The following FRMD4A variants were observed in gnomAD, a reference collection of about 807,000 sequenced individuals.
FRMD4A encodes FERM domain-containing protein 4A.
FRMD4A carries 29 observed loss-of-function variants against 129.1 expected under a neutral mutation model. That is an observed-to-expected ratio of 0.22 (90% CI 0.17 to 0.31). The LOEUF is 0.31. FRMD4A is among the 10% of genes least tolerant of loss of function. The pLI, the probability that FRMD4A is intolerant of heterozygous loss-of-function variation, is 1.00. For synonymous variants in FRMD4A, 634 were observed against 571.6 expected, an observed-to-expected ratio of 1.11 and a Z score of -1.56; for missense variants, 1,272 against 1,375.8, an observed-to-expected ratio of 0.92 and a Z score of 1.19.
chr10:13,974,983 GTGTGTGTGTGTGTCTGTGTGAGTGCA>G (rs1379609089), intron 2 of FRMD4A, among the ~76,000 whole-genome samples: 1 of 64,378 alleles, frequency 1.6e-5, no homozygotes, highest in Non-Finnish European at 3.1e-5. Context: ...CACTATAGGT[GTGTGTGTGTGTGTCTGTGTGAGTGCA>G]TGTGTGTGTC....
intron 2 of FRMD4A, among the ~76,000 whole-genome samples, chr10:14,104,540 C>T (rs1837483633): frequency 6.6e-6 from 1 of 152,248 alleles, no homozygotes; most frequent in Admixed American, 6.5e-5. Context: ...CTATGCCTTC[C>T]TGTCCCTGAG....
intron 12 of FRMD4A, among the ~76,000 whole-genome samples, chr10:13,711,699 G>A (rs960956486): frequency 3.3e-5 from 5 of 152,156 alleles, no homozygotes; most frequent in South Asian, 2.1e-4. Context: ...TCTAGTGCAC[G>A]TCACTTAAGC....
chr10:13,861,561 T>G (rs2094295542), intron 2 of FRMD4A, among the ~76,000 whole-genome samples: 1 of 152,062 alleles, frequency 6.6e-6, no homozygotes, highest in Non-Finnish European at 1.5e-5. Context: ...TCCTAAACAC[T>G]CCAACGAACA....
chr10:13,749,715 G>C (rs763298239), intron 8 of FRMD4A, among the ~76,000 whole-genome samples: 7 of 152,098 alleles, frequency 4.6e-5, no homozygotes, highest in Non-Finnish European at 8.8e-5. Context: ...GAGGCCAGGC[G>C]TGGTGGCTCA....
At chr10:14,175,681 T>C (rs1309208651) in intron 2 of FRMD4A, among the ~76,000 whole-genome samples, 1 of 152,114 alleles carries the variant, frequency 6.6e-6, no homozygotes, top group East Asian at 1.9e-4. Context: ...TGCACCACCA[T>C]GCCCAACTAA....
At chr10:13,803,670 G>A (rs1425730400) in intron 4 of FRMD4A, among the ~76,000 whole-genome samples, 2 of 151,982 alleles carry the variant, frequency 1.3e-5, no homozygotes, top group African/African-American at 2.4e-5. Context: ...TCTACACCAC[G>A]TTTTGTGAAT....
At chr10:14,070,420 C>A (rs1343160289) in intron 2 of FRMD4A, among the ~76,000 whole-genome samples, 1 of 152,204 alleles carries the variant, frequency 6.6e-6, no homozygotes, top group East Asian at 1.9e-4. Context: ...TCCCCAATAT[C>A]TTTTGGCTAT....
chr10:13,737,068 CCTCTCTCTCTT>C (rs554852577), intron 12 of FRMD4A, among the ~76,000 whole-genome samples: 1,869 of 152,140 alleles, frequency 0.012, 67 homozygotes, highest in South Asian at 0.11. Context: ...TCCAGGAAAC[CCTCTCTCTCTT>C]ATTTTTCAGC....
chr10:14,117,310 A>G (rs949881866), intron 2 of FRMD4A, among the ~76,000 whole-genome samples: 3 of 152,220 alleles, frequency 2.0e-5, no homozygotes, highest in African/African-American at 7.2e-5. Context: ...AATGAATGAG[A>G]GAGCCTCCAA....
intron 2 of FRMD4A, among the ~76,000 whole-genome samples, chr10:14,183,516 G>C (rs1484874170): frequency 6.7e-6 from 1 of 150,038 alleles, no homozygotes; most frequent in Non-Finnish European, 1.5e-5. Context: ...ATAGCTCTAA[G>C]GAGTTGTTTC....
At chr10:14,321,111 A>G (rs1843030587) in intron 2 of FRMD4A, among the ~76,000 whole-genome samples, 1 of 152,162 alleles carries the variant, frequency 6.6e-6, no homozygotes, top group Admixed American at 6.5e-5. Flanking sequence ...TGATGACAAC[A>G]GAAAGACTTT....
At chr10:13,965,883 G>C (rs2095482466) in intron 2 of FRMD4A, among the ~76,000 whole-genome samples, 1 of 152,190 alleles carries the variant, frequency 6.6e-6, no homozygotes, top group Non-Finnish European at 1.5e-5. Context: ...AGGAAGAAGA[G>C]GATAATAGGG....
intron 2 of FRMD4A, among the ~76,000 whole-genome samples, chr10:14,302,681 G>A (rs1225672756): frequency 6.6e-6 from 1 of 152,206 alleles, no homozygotes; most frequent in Non-Finnish European, 1.5e-5. Flanking sequence ...TACAGTCAGA[G>A]GCTGGAGTCA....
intron 2 of FRMD4A, among the ~76,000 whole-genome samples, chr10:14,051,468 G>T (rs752541999): frequency 1.3e-5 from 2 of 152,212 alleles, no homozygotes; most frequent in East Asian, 3.8e-4. Context: ...ACGCCGGGGT[G>T]AGCGCAAGGA....
chr10:13,779,949 G>A (rs986016446), intron 6 of FRMD4A, among the ~76,000 whole-genome samples: 4 of 152,180 alleles, frequency 2.6e-5, no homozygotes, highest in East Asian at 1.9e-4. Context: ...GGGGTGTGAC[G>A]GAGATTGCAT....
intron 18 of FRMD4A, 144 bp downstream of exon 18, chr10:13,665,953 G>A (rs565552451): frequency 2.3e-5 from 15 of 640,802 alleles, no homozygotes; most frequent in Admixed American, 5.3e-5. Flanking sequence ...GGCCTTACTC[G>A]CTTCATTTTA....
intron 2 of FRMD4A, among the ~76,000 whole-genome samples, chr10:14,151,520 G>T (rs1407572172): frequency 6.6e-6 from 1 of 151,948 alleles, no homozygotes; most frequent in African/African-American, 2.4e-5. Flanking sequence ...AGAGGAGAGG[G>T]TTAAAAAATT....
chr10:14,230,561 A>T (rs1422259895), intron 2 of FRMD4A, among the ~76,000 whole-genome samples: 2 of 152,186 alleles, frequency 1.3e-5, no homozygotes, highest in Non-Finnish European at 2.9e-5. Flanking sequence ...ATTGCTACTC[A>T]CAGGAGCTAT....
At chr10:13,746,010 C>T (rs1032194705) in intron 9 of FRMD4A, among the ~76,000 whole-genome samples, 4 of 152,230 alleles carry the variant, frequency 2.6e-5, no homozygotes, top group African/African-American at 9.6e-5. Context: ...ACAGATTTTG[C>T]TCTTTGGGGG....
Sources: allele counts gnomAD v4.1 joint callset (sites outside exome capture counted in the v4.1 genomes callset), GRCh38; gene constraint gnomAD v4.1.1; transcripts MANE v1.5; gene names NCBI Gene and HGNC (gene_info 2026-07-23, HGNC 2026-07-21).